Variants in SHROOM3 observed in about 807,000 individuals in gnomAD.
The protein encoded by SHROOM3 is shroom family member 3.
A neutral mutation model predicts 138.6 loss-of-function variants in SHROOM3; 47 were observed. That is an observed-to-expected ratio of 0.34 (90% CI 0.27 to 0.43). The LOEUF is 0.43. Ranked by LOEUF, SHROOM3 falls within the 20% of genes least tolerant of loss-of-function variation. The pLI is 1.00. For missense variants in SHROOM3, 2,491 were observed against 2,596.5 expected, an observed-to-expected ratio of 0.96 and a Z score of 0.88; for synonymous variants, 1,062 against 1,063.3, an observed-to-expected ratio of 1.00 and a Z score of 0.02.
chr4:76,462,069 A>C (rs1196869061), intron 1 of SHROOM3, among the ~76,000 whole-genome samples: 1 of 152,134 alleles, frequency 6.6e-6, no homozygotes, highest in Non-Finnish European at 1.5e-5. Context: ...CTTTCTCTAC[A>C]TCCCAGTGTG....
intron 1 of SHROOM3, among the ~76,000 whole-genome samples, chr4:76,457,946 C>T (rs1731064006): frequency 6.6e-6 from 1 of 151,430 alleles, no homozygotes; most frequent in African/African-American, 2.4e-5. Context: ...CAGGTGCCCA[C>T]CACCGTGTCT....
chr4:76,697,454 G>A lies in SHROOM3; in HGVS notation c.324-12702G>A, dbSNP rs1000483655. 3.3e-5 allele frequency among the ~76,000 whole-genome samples: 5 copies of A among 152,188 alleles called. No individual in the cohort carries two copies. In the South Asian group the frequency reaches 6.2e-4, roughly 19 times the overall value. On this transcript the variant is annotated intron_variant, in intron 2 of 10. Coordinates refer to ENST00000296043, the MANE Select transcript of SHROOM3 (RefSeq NM_020859.4). Reference sequence around the variant, plus strand: ...CTGGAAGAATTGTTATGCTCTTCTTGGAACAAGGCAAATCTGTTTTCAGAG... The same window carrying A: ...CTGGAAGAATTGTTATGCTCTTCTTAGAACAAGGCAAATCTGTTTTCAGAG...
intron 1 of SHROOM3, among the ~76,000 whole-genome samples, chr4:76,508,496 CTTCT>C (rs1180363494): frequency 6.6e-6 from 1 of 152,160 alleles, no homozygotes; most frequent in African/African-American, 2.4e-5. Flanking sequence ...TGTCTTCCAA[CTTCT>C]TTCTTCTTTT....
chr4:76,554,754 A>G (rs1302740135), intron 1 of SHROOM3, among the ~76,000 whole-genome samples: 1 of 151,564 alleles, frequency 6.6e-6, no homozygotes, highest in African/African-American at 2.4e-5. Context: ...CCCGTCCCCA[A>G]CCCCCAGGCC....
intron 2 of SHROOM3, among the ~76,000 whole-genome samples, chr4:76,605,686 A>T (rs913302982): frequency 6.6e-6 from 1 of 152,064 alleles, no homozygotes; most frequent in Non-Finnish European, 1.5e-5. Flanking sequence ...AAGAGGGGGA[A>T]AATATTTTTT....
intron 5 of SHROOM3, chr4:76,742,150 T>A (rs1721283355): frequency 7.8e-6 from 5 of 641,010 alleles, no homozygotes; most frequent in Admixed American, 4.6e-5. Context: ...GTTATACAGA[T>A]TCTCTATCTA....
At chr4:76,555,551 C>T in intron 1 of SHROOM3, 58 bp from the exon 2 acceptor site, 13 of 1,609,448 alleles carry the variant, frequency 8.1e-6, no homozygotes, top group South Asian at 7.7e-5. Context: ...GATAGCCGGA[C>T]AGACCCCAGG....
chr4:76,443,276 A>G (rs1250496585), intron 1 of SHROOM3, among the ~76,000 whole-genome samples: 1 of 152,246 alleles, frequency 6.6e-6, no homozygotes, highest in South Asian at 2.1e-4. Flanking sequence ...GGGTCTTAGC[A>G]TCAGTAAGAA....
In SHROOM3 at chr4:76,658,117, T is replaced by A. The variant is rs114279169; in HGVS notation, c.324-52039T>A. ...TGCATTTTATAATAACTTCCCACAA[T>A]CCCACAACAATTGTGAAAATTAGGA... On this transcript the variant is annotated intron_variant, in intron 2 of 10. Transcript: ENST00000296043. Among the ~76,000 whole-genome samples the A allele has an allele frequency of 2.1e-3, 314 of 152,336 alleles. 2 individuals are homozygous for A. Among genetic ancestry groups the A allele is most frequent in the African/African-American group, 7.1e-3 (294 of 41,582 alleles).
intron 5 of SHROOM3, among the ~76,000 whole-genome samples, chr4:76,744,481 G>A (rs1010156318): frequency 6.6e-6 from 1 of 152,084 alleles, no homozygotes; most frequent in African/African-American, 2.4e-5. Context: ...ATGGCAAGGC[G>A]GTCTGCTCCT....
chr4:76,718,014 A>G (rs1175665814), intron 3 of SHROOM3, among the ~76,000 whole-genome samples: 1 of 152,236 alleles, frequency 6.6e-6, no homozygotes, highest in East Asian at 1.9e-4. Flanking sequence ...GCCTTTACTT[A>G]AAATAGGACA....
At chr4:76,735,600 G>A (rs1358482820) in intron 4 of SHROOM3, among the ~76,000 whole-genome samples, 3 of 151,644 alleles carry the variant, frequency 2.0e-5, no homozygotes, top group Non-Finnish European at 4.4e-5. Context: ...AGCACTTTGG[G>A]AGGCCAAGGA....
chr4:76,465,803 C>A (rs1280616048), intron 1 of SHROOM3, among the ~76,000 whole-genome samples: 2 of 152,150 alleles, frequency 1.3e-5, no homozygotes, highest in Admixed American at 1.3e-4. Context: ...TATAAGATTG[C>A]TGGGCCTTGG....
intron 2 of SHROOM3, among the ~76,000 whole-genome samples, chr4:76,557,428 CAG>C (rs992566613): frequency 2.6e-5 from 4 of 152,100 alleles, no homozygotes; most frequent in East Asian, 1.9e-4. Flanking sequence ...CTCACAGAAA[CAG>C]AGAGTAGAAT....
chr4:76,536,546 A>G (rs1732957956), intron 1 of SHROOM3, among the ~76,000 whole-genome samples: 1 of 152,116 alleles, frequency 6.6e-6, no homozygotes, highest in Non-Finnish European at 1.5e-5. Flanking sequence ...CAGACAGCTG[A>G]CTCTAGAGGT....
intron 2 of SHROOM3, among the ~76,000 whole-genome samples, chr4:76,636,644 GGTTTTCCCCAGGGACTCT>G (rs982985480): frequency 2.8e-4 from 42 of 152,270 alleles, no homozygotes; most frequent in African/African-American, 9.6e-4. Flanking sequence ...TGTCTGTGTG[GGTTTTCCCCAGGGACTCT>G]GTTTTCCCCC....
chr4:76,606,107 G>A (rs542263234), intron 2 of SHROOM3, among the ~76,000 whole-genome samples: 3 of 140,572 alleles, frequency 2.1e-5, no homozygotes, highest in East Asian at 4.5e-4. Context: ...TCCACCTCCC[G>A]GATTCCAGCG....
chr4:76,639,700 T>A, intron 2 of SHROOM3: 1 of 398,162 alleles, frequency 2.5e-6, no homozygotes, highest in South Asian at 1.3e-4. Context: ...TGGGTAAAGT[T>A]TTCTGGGGAG....
intron 1 of SHROOM3, among the ~76,000 whole-genome samples, chr4:76,457,751 A>C (rs978679796): frequency 1.3e-5 from 2 of 151,092 alleles, no homozygotes; most frequent in African/African-American, 2.4e-5. Context: ...TGGCCTCCCA[A>C]AGTGCTAGGA....
Sources: allele counts gnomAD v4.1 joint callset (sites outside exome capture counted in the v4.1 genomes callset), GRCh38; gene constraint gnomAD v4.1.1; transcripts MANE v1.5; gene names NCBI Gene and HGNC (gene_info 2026-07-23, HGNC 2026-07-21).